Variants in GTF2F2 observed in about 807,000 individuals in gnomAD.
The protein encoded by GTF2F2 is ATP-dependent helicase GTF2F2.
In GTF2F2, 23 loss-of-function variants were observed where a neutral mutation model predicts 42.2. The observed-to-expected ratio is 0.55, with a 90% CI of 0.39 to 0.77. The LOEUF is 0.77. Among genes scored for constraint, GTF2F2 ranks in the 30% least tolerant of loss-of-function variants. The pLI is 0.00. For synonymous variants in GTF2F2, 105 were observed against 100.8 expected, an observed-to-expected ratio of 1.04 and a Z score of -0.25; for missense variants, 261 against 287.2, an observed-to-expected ratio of 0.91 and a Z score of 0.66.
intron 4 of GTF2F2, among the ~76,000 whole-genome samples, chr13:45,176,981 G>C (rs1391515854): frequency 6.6e-6 from 1 of 151,794 alleles, no homozygotes; most frequent in Non-Finnish European, 1.5e-5. Flanking sequence ...GTAGAGATGG[G>C]GTTTCACCAT....
chr13:45,169,841 T>G (rs1871504618), intron 4 of GTF2F2, among the ~76,000 whole-genome samples: 1 of 152,204 alleles, frequency 6.6e-6, no homozygotes, highest in African/African-American at 2.4e-5. Context: ...TATTCCCTTT[T>G]AAATATAGAT....
chr13:45,150,973 A>G (rs1157149963), intron 3 of GTF2F2, among the ~76,000 whole-genome samples: 2 of 151,898 alleles, frequency 1.3e-5, no homozygotes, highest in East Asian at 3.9e-4. Context: ...TTATTTTCTT[A>G]TGTTTAGTAA....
intron 4 of GTF2F2, among the ~76,000 whole-genome samples, chr13:45,198,775 T>TA: frequency 6.6e-6 from 1 of 152,222 alleles, no homozygotes; most frequent in Non-Finnish European, 1.5e-5. Flanking sequence ...TCTTTTTTTT[T>TA]AACATGTACT....
chr13:45,243,083 G>A (rs984492080), intron 5 of GTF2F2, among the ~76,000 whole-genome samples: 1 of 152,184 alleles, frequency 6.6e-6, no homozygotes, highest in African/African-American at 2.4e-5. Flanking sequence ...ATGAAGTACA[G>A]TTGTTTCTCG....
At chr13:45,195,618 A>G (rs1017090588) in intron 4 of GTF2F2, among the ~76,000 whole-genome samples, 1 of 152,150 alleles carries the variant, frequency 6.6e-6, no homozygotes, top group African/African-American at 2.4e-5. Context: ...AACAGTGTGA[A>G]TGATGTCACC....
At chr13:45,207,006 AC>A (rs1873442856) in intron 4 of GTF2F2, 1 of 32,444 alleles carries the variant, frequency 3.1e-5, no homozygotes, top group Admixed American at 3.0e-4. Flanking sequence ...ACATACACAA[AC>A]ACACACACAC....
intron 4 of GTF2F2, among the ~76,000 whole-genome samples, chr13:45,202,120 C>T (rs1593488696): frequency 6.6e-6 from 1 of 152,334 alleles, no homozygotes; most frequent in South Asian, 2.1e-4. Flanking sequence ...GGCGTGGTGG[C>T]TCACACCTGT....
intron 4 of GTF2F2, among the ~76,000 whole-genome samples, chr13:45,153,111 G>A (rs374838527): frequency 1.8e-4 from 27 of 151,016 alleles, no homozygotes; most frequent in African/African-American, 5.3e-4. Flanking sequence ...CCGGGTTCAC[G>A]CCATTCTCCT....
At chr13:45,151,131 CCT>C (rs1870471101) in intron 3 of GTF2F2, among the ~76,000 whole-genome samples, 1 of 152,022 alleles carries the variant, frequency 6.6e-6, no homozygotes, top group African/African-American at 2.4e-5. Flanking sequence ...CTCCTCTCTC[CCT>C]CTCTCTTTTT....
intron 4 of GTF2F2, among the ~76,000 whole-genome samples, chr13:45,160,784 G>C (rs1871001066): frequency 6.7e-6 from 1 of 148,486 alleles, no homozygotes. Flanking sequence ...TTTTTTTAAA[G>C]GATGGGCTTT....
chr13:45,224,892 A>G (rs1874265349), intron 5 of GTF2F2, among the ~76,000 whole-genome samples: 1 of 152,322 alleles, frequency 6.6e-6, no homozygotes, highest in South Asian at 2.1e-4. Flanking sequence ...GAAGCCTCCA[A>G]CATATTTTGT....
At chr13:45,258,533 T>C (rs1005916579) in intron 6 of GTF2F2, among the ~76,000 whole-genome samples, 1 of 152,200 alleles carries the variant, frequency 6.6e-6, no homozygotes, top group African/African-American at 2.4e-5. Flanking sequence ...GCAAAATAAC[T>C]GGCAAAGTGG....
intron 4 of GTF2F2, among the ~76,000 whole-genome samples, chr13:45,159,755 T>A (rs868686102): frequency 1.4e-4 from 21 of 152,226 alleles, no homozygotes; most frequent in African/African-American, 5.1e-4. Context: ...TTACAAGCGT[T>A]GGCCACCATG....
At position 45,273,655 on chromosome 13, in the gene GTF2F2, A is replaced by ATTTTTT. The variant is rs773254844; in HGVS notation, c.630+6291_630+6296dup. On this transcript the variant is annotated intron_variant, in intron 7 of 7. Transcript: ENST00000340473. The stretch of plus-strand genomic sequence containing the variant: ...CCACTTGATTTTAAAGAGTGGTAAA[A>ATTTTTT]TTTTTTTTTTTTTTTTTGAGACGGA... Among the ~76,000 whole-genome samples the ATTTTTT allele has an allele frequency of 1.4e-4, 17 of 123,886 alleles. 1 individual carries two copies. Among genetic ancestry groups the ATTTTTT allele is most frequent in the African/African-American group, 5.6e-4 (16 of 28,410 alleles). The allele number at this position is 123,886 out of a possible 152,430, so 81.3% of individuals were successfully genotyped here.
chr13:45,198,294 C>G (rs998996796), intron 4 of GTF2F2, among the ~76,000 whole-genome samples: 2 of 152,210 alleles, frequency 1.3e-5, no homozygotes, highest in African/African-American at 2.4e-5. Context: ...GTGATTGATG[C>G]AGGACATCAT....
intron 7 of GTF2F2, among the ~76,000 whole-genome samples, chr13:45,278,771 T>G (rs1877132527): frequency 1.3e-5 from 2 of 151,246 alleles, no homozygotes; most frequent in African/African-American, 2.4e-5. Flanking sequence ...TACACATGCC[T>G]CTGTTATATT....
At chr13:45,251,566 T>C (rs939593396) in intron 5 of GTF2F2, among the ~76,000 whole-genome samples, 5 of 152,102 alleles carry the variant, frequency 3.3e-5, no homozygotes, top group African/African-American at 1.2e-4. Context: ...TTCCTTCCCA[T>C]CTTTCATGTT....
At chr13:45,256,999 A>G (rs368699294) in intron 6 of GTF2F2, among the ~76,000 whole-genome samples, 24 of 152,282 alleles carry the variant, frequency 1.6e-4, no homozygotes, top group East Asian at 7.7e-4. Flanking sequence ...CAATGTTCCT[A>G]CATTTGGTCA....
chr13:45,260,456 A>G (rs896588579), intron 6 of GTF2F2, among the ~76,000 whole-genome samples: 1 of 152,232 alleles, frequency 6.6e-6, no homozygotes, highest in Non-Finnish European at 1.5e-5. Flanking sequence ...GGGAGGGGGA[A>G]TAATATCTCA....
Sources: gnomAD v4.1 joint callset for allele counts (sites outside exome capture counted in the v4.1 genomes callset) on GRCh38, gnomAD v4.1.1 for gene constraint, MANE v1.5 for transcripts, NCBI Gene and HGNC (gene_info 2026-07-23, HGNC 2026-07-21) for gene names.